The following PALD1 variants were observed in gnomAD, a reference collection of about 807,000 sequenced individuals.
The protein encoded by PALD1 is paladin.
In PALD1, 57 loss-of-function variants were observed where a neutral mutation model predicts 96.0. The ratio of observed to expected loss-of-function variants is 0.59; its 90% CI spans 0.48 to 0.74. The LOEUF (loss-of-function observed/expected upper bound fraction) is 0.74. Ranked by LOEUF, PALD1 falls within the 30% of genes least tolerant of loss-of-function variation. The probability of loss-of-function intolerance (pLI) is 0.00; values close to 1 mark genes in which losing one functional copy is unlikely to be tolerated. For missense variants in PALD1, 1,063 were observed against 1,143.7 expected (o/e 0.93, Z 1.02); for synonymous variants, 464 against 473.6 (o/e 0.98, Z 0.26).
At chr10:70,487,055 G>T (rs2132263127) in intron 1 of PALD1, among the ~76,000 whole-genome samples, 1 of 152,258 alleles carries the variant, frequency 6.6e-6, no homozygotes, top group South Asian at 2.1e-4. Flanking sequence ...CTCTGCTCCA[G>T]GGGGCTCTGA....
the PALD1 span, among the ~76,000 whole-genome samples, chr10:70,467,096 T>A: frequency 6.6e-6 from 1 of 151,812 alleles, no homozygotes. Context: ...TCTCTAAGTG[T>A]CAAATGTCAG....
chr10:70,556,279 C>CCTCCCTCTCTCCCTCT (rs527928462), intron 18 of PALD1, among the ~76,000 whole-genome samples: 16,980 of 128,466 alleles, frequency 0.13, 1,132 homozygotes, highest in South Asian at 0.18. Context: ...GTAGCCGAGA[C>CCTCCCTCTCTCCCTCT]CTCTCTCTCT....
chr10:70,535,671 CTCCTTTCT>C (rs1847100387), intron 10 of PALD1, among the ~76,000 whole-genome samples: 2 of 120,760 alleles, frequency 1.7e-5, no homozygotes, highest in Non-Finnish European at 3.7e-5. Context: ...CCTCCTCCTT[CTCCTTTCT>C]TCTCCTTTTT....
At chr10:70,550,344 A>G (rs545562711) in intron 18 of PALD1, among the ~76,000 whole-genome samples, 18 of 152,250 alleles carry the variant, frequency 1.2e-4, no homozygotes, top group African/African-American at 4.3e-4. Flanking sequence ...TCAGAATCAC[A>G]TGTTAGACTT....
intron 1 of PALD1, among the ~76,000 whole-genome samples, chr10:70,511,940 T>C (rs889300970): frequency 6.6e-6 from 1 of 151,862 alleles, no homozygotes; most frequent in Non-Finnish European, 1.5e-5. Flanking sequence ...GGCAGAAGAA[T>C]CACTTGAACC....
intron 18 of PALD1, among the ~76,000 whole-genome samples, chr10:70,553,838 CT>C (rs1467145180): frequency 2.0e-5 from 3 of 152,206 alleles, no homozygotes; most frequent in African/African-American, 7.2e-5. Flanking sequence ...TGGTCCTTGC[CT>C]TTGAGGAAGT....
chr10:70,475,791 TGGGCTGATGGGGCAGTG>T (rs1458608574), upstream of PALD1, among the ~76,000 whole-genome samples: 2 of 151,840 alleles, frequency 1.3e-5, no homozygotes, highest in Admixed American at 1.3e-4. Context: ...GCACCTTGCT[TGGGCTGATGGGGCAGTG>T]GATGGCCACA....
intron 1 of PALD1, among the ~76,000 whole-genome samples, chr10:70,498,023 C>T (rs564723645): frequency 2.7e-4 from 41 of 152,066 alleles, no homozygotes; most frequent in Non-Finnish European, 4.3e-4. Context: ...ACCATCCAGC[C>T]CCAGAACTTT....
At chr10:70,524,269 A>G (rs556501747) in intron 1 of PALD1, among the ~76,000 whole-genome samples, 1 of 152,274 alleles carries the variant, frequency 6.6e-6, no homozygotes, top group East Asian at 1.9e-4. Context: ...CCAGTCCTGG[A>G]CCATCAGTAT....
At chr10:70,525,536 C>T (rs1388478282) in intron 1 of PALD1, among the ~76,000 whole-genome samples, 4 of 152,106 alleles carry the variant, frequency 2.6e-5, no homozygotes, top group Non-Finnish European at 4.4e-5. Context: ...ACATTTCCTG[C>T]TTCTCCTAGC....
rs12776085 is a variant in PALD1 at position 70,540,987 on chromosome 10, C to G, written c.1909-115C>G. ...TGTTTGTGTGTGCAAGCTTGGGAGC[C>G]TGACAATTTCTGGCCCGAGGACAGT... On this transcript the variant is annotated intron_variant, in intron 15 of 19. Transcript: ENST00000263563. The surrounding 1 kb of genome is among the most constrained non-coding windows in gnomAD (Gnocchi z 4.2). 0.25 allele frequency: 288,686 copies of G among 1,172,102 alleles called. 38,728 individuals carry two copies. The highest frequency in any genetic ancestry group is 0.27 in the Non-Finnish European group (221,389 of 833,724). The allele number at this position is 1,172,102 out of a possible 1,614,324, so 72.6% of individuals were successfully genotyped here.
At chr10:70,550,613 T>C (rs1847461024) in intron 18 of PALD1, among the ~76,000 whole-genome samples, 1 of 152,158 alleles carries the variant, frequency 6.6e-6, no homozygotes, top group Admixed American at 6.5e-5. Flanking sequence ...AAAAGAAACC[T>C]CACACCCGCT....
chr10:70,565,650 A>G (rs1847831255), intron 19 of PALD1, among the ~76,000 whole-genome samples: 1 of 152,140 alleles, frequency 6.6e-6, no homozygotes, highest in Non-Finnish European at 1.5e-5. Context: ...CGTCAGGTGG[A>G]GAAGCATTTG....
chr10:70,529,236 T>C lies in PALD1; in HGVS notation c.193T>C (p.Cys65Arg), dbSNP rs1304266938. 3 of 490,350 alleles carry C rather than the reference T, an allele frequency of 6.1e-6. No individual in the cohort carries two copies. Among genetic ancestry groups the C allele is most frequent in the Non-Finnish European group, 7.0e-6 (2 of 284,534 alleles). 30.4% of individuals were successfully genotyped at this position (490,350 alleles called of 1,614,324 possible). A position where few individuals can be genotyped will look rare whatever the true frequency, so the allele number is the denominator to read the frequency against. The change falls in exon 3 of 20, where the codon TGC (cysteine) becomes CGC (arginine). Residue 65 changes from cysteine (C) to arginine (R), a missense_variant. Transcript: ENST00000263563. ...KVAPVVITYN[C>R]KEEFQIHDEL... is the part of the protein sequence containing the mutation. Reference sequence around the variant, plus strand: ...CCCCCCCCCCCCCCCCAGGTACAACTGCAAGGAGGAGTTCCAGATCCATGA... The same window carrying C: ...CCCCCCCCCCCCCCCCAGGTACAACCGCAAGGAGGAGTTCCAGATCCATGA...
At chr10:70,503,915 G>A (rs892622805) in intron 1 of PALD1, among the ~76,000 whole-genome samples, 2 of 152,054 alleles carry the variant, frequency 1.3e-5, no homozygotes, top group African/African-American at 4.8e-5. Context: ...TTATCCTTCC[G>A]CACTTCCTTT....
At chr10:70,532,348 C>T (rs1847009479) in intron 5 of PALD1, among the ~76,000 whole-genome samples, 1 of 152,238 alleles carries the variant, frequency 6.6e-6, no homozygotes, top group African/African-American at 2.4e-5. Context: ...TCCCAGCTGA[C>T]CACACCTCCC....
chr10:70,471,588 T>C, the PALD1 span, among the ~76,000 whole-genome samples: 1 of 152,250 alleles, frequency 6.6e-6, no homozygotes, highest in Non-Finnish European at 1.5e-5. Flanking sequence ...TGTTCCATAG[T>C]TTAGCCAATC....
rs183602685 is a variant in PALD1, at chr10:70,554,425, T to C, written c.2262+6979T>C. ...GCCTGGGTGACAGAGTGAGACTCCA[T>C]CTCAAAACAAACAAATAAACAAACA... On this transcript the variant is annotated intron_variant, in intron 18 of 19. Transcript: ENST00000263563. 4.0e-3 allele frequency among the ~76,000 whole-genome samples: 550 copies of C among 138,204 alleles called. 4 individuals are homozygous for C. The highest frequency in any genetic ancestry group is 0.013 in the African/African-American group (501 of 37,730). 90.7% of individuals were successfully genotyped at this position (138,204 alleles called of 152,430 possible). A position where few individuals can be genotyped will look rare whatever the true frequency, so the allele number is the denominator to read the frequency against.
Position 70,566,777 on chromosome 10 carries a change from G to T in PALD1, c.*44G>T, listed in dbSNP as rs748782135. On this transcript the variant is annotated 3_prime_UTR_variant, in exon 20 of 20. Coordinates refer to ENST00000263563, the MANE Select transcript of PALD1 (RefSeq NM_014431.3). ...CCCCCACCCACAGGGCCCCACGCAGGCCTGGGGTGTCTGAGGTGCTCTTGG... is the reference window on the plus strand; with the variant it reads ...CCCCCACCCACAGGGCCCCACGCAGTCCTGGGGTGTCTGAGGTGCTCTTGG... 2 of 1,408,104 alleles carry T rather than the reference G, an allele frequency of 1.4e-6. No individual in the cohort carries two copies. Among genetic ancestry groups the T allele is most frequent in the Non-Finnish European group, 1.9e-6 (2 of 1,035,454 alleles). 87.2% of individuals were successfully genotyped at this position (1,408,104 alleles called of 1,614,324 possible). A position where few individuals can be genotyped will look rare whatever the true frequency, so the allele number is the denominator to read the frequency against.
Sources: gnomAD v4.1 joint callset for allele counts (sites outside exome capture counted in the v4.1 genomes callset) on GRCh38, gnomAD v4.1.1 for gene constraint, Gnocchi (gnomAD v3.1) non-coding constraint, MANE v1.5 for transcripts, NCBI Gene and HGNC (gene_info 2026-07-23, HGNC 2026-07-21) for gene names.